Variants in SPTY2D1 observed in about 807,000 individuals in gnomAD.
SPTY2D1 encodes the protein SPT2 chromatin protein domain containing 1, also known as protein SPT2 homolog.
In SPTY2D1, 21 loss-of-function variants were observed where a neutral mutation model predicts 64.0. The ratio of observed to expected loss-of-function variants is 0.33; its 90% CI spans 0.23 to 0.47. SPTY2D1 has a LOEUF of 0.47. Among genes scored for constraint, SPTY2D1 ranks in the 20% least tolerant of loss-of-function variants. The probability of loss-of-function intolerance (pLI) is 1.00; values close to 1 mark genes in which losing one functional copy is unlikely to be tolerated. For synonymous variants in SPTY2D1, 287 were observed against 286.8 expected, an observed-to-expected ratio of 1.00 and a Z score of -0.01; for missense variants, 724 against 837.2, an observed-to-expected ratio of 0.86 and a Z score of 1.67.
At chr11:18,618,671 T>C (rs549286632) in intron 1 of SPTY2D1, among the ~76,000 whole-genome samples, 11 of 152,286 alleles carry the variant, frequency 7.2e-5, no homozygotes, top group Admixed American at 3.9e-4. Flanking sequence ...CAAGAACAAA[T>C]TGAGACAACT....
At chr11:18,622,952 C>A (rs1854438732) in intron 1 of SPTY2D1, among the ~76,000 whole-genome samples, 1 of 125,496 alleles carries the variant, frequency 8.0e-6, no homozygotes, top group Non-Finnish European at 1.7e-5. Flanking sequence ...AACTCTGTCT[C>A]AAAACAACAA....
rs1854141676 is a variant in SPTY2D1 at position 18,608,375 on chromosome 11, T to C, written c.*1486A>G. ...ACCCAAACTTGAAGAATAAAGACTT[T>C]ATGGATAAAAAGGAATAAACCAAAA... On this transcript the variant is annotated 3_prime_UTR_variant, in exon 6 of 6. Transcript: ENST00000336349. 6.6e-6 allele frequency: 1 copy of C among 152,590 alleles called. No homozygotes were observed. Among genetic ancestry groups the C allele is most frequent in the African/African-American group, 2.4e-5 (1 of 41,462 alleles). 9.5% of individuals were successfully genotyped at this position (152,590 alleles called of 1,614,324 possible).
intron 3 of SPTY2D1, among the ~76,000 whole-genome samples, chr11:18,614,006 GTCACGTACATTCACCCTGAATGT>G (rs1045978398): frequency 6.6e-6 from 1 of 152,186 alleles, no homozygotes; most frequent in Non-Finnish European, 1.5e-5. Context: ...ACATATGTAA[GTCACGTACATTCACCCTGAATGT>G]TCACAAATCA....
intron 1 of SPTY2D1, 86 bp from the exon 2 acceptor site, chr11:18,617,075 G>T: frequency 9.4e-7 from 1 of 1,059,626 alleles, no homozygotes; most frequent in South Asian, 1.4e-5. Flanking sequence ...GGTAATAAGA[G>T]GTATAAATGT....
chr11:18,622,423 C>T (rs1854426619), intron 1 of SPTY2D1, among the ~76,000 whole-genome samples: 1 of 151,650 alleles, frequency 6.6e-6, no homozygotes, highest in Non-Finnish European at 1.5e-5. Flanking sequence ...CCCAGCTACA[C>T]AGCTGATGTG....
intron 1 of SPTY2D1, among the ~76,000 whole-genome samples, chr11:18,622,146 A>G (rs1247598482): frequency 1.3e-5 from 2 of 151,298 alleles, no homozygotes; most frequent in Admixed American, 6.6e-5. Flanking sequence ...ACAAATACCA[A>G]TAAGATATTA....
chr11:18,626,849 A>G (rs1270187768), intron 1 of SPTY2D1, among the ~76,000 whole-genome samples: 2 of 152,190 alleles, frequency 1.3e-5, no homozygotes, highest in Non-Finnish European at 2.9e-5. Flanking sequence ...AAAGGTGAAC[A>G]GTAGTTTCTA....
chr11:18,615,541 C>A lies in SPTY2D1; in HGVS notation c.733G>T (p.Gly245Cys), dbSNP rs766160851. ...KESVGTKLSK[G>C]SGDRHPSSKG... ...GAAGAAGGATGCCTGTCTCCAGAACCTTTGCTAAGTTTTGTGCCCACACTT... is the reference window on the plus strand; with the variant it reads ...GAAGAAGGATGCCTGTCTCCAGAACATTTGCTAAGTTTTGTGCCCACACTT... The change falls in exon 3 of 6, where the codon GGT (glycine) becomes TGT (cysteine). Residue 245 changes from glycine to cysteine, a missense_variant. Transcript: ENST00000336349. 2 of 1,614,212 alleles carry A rather than the reference C, an allele frequency of 1.2e-6. No individual in the cohort carries two copies. The highest frequency in any genetic ancestry group is 1.7e-6 in the Non-Finnish European group (2 of 1,180,040).
intron 1 of SPTY2D1, among the ~76,000 whole-genome samples, chr11:18,625,208 A>C (rs1854476356): frequency 6.6e-6 from 1 of 152,246 alleles, no homozygotes; most frequent in Non-Finnish European, 1.5e-5. Context: ...AGAACATCAG[A>C]GTCAGAGAAA....
rs1429182445 is a variant in SPTY2D1, at chr11:18,608,116, G to A, written c.*1745C>T. 1 of 152,552 alleles carries A rather than the reference G, an allele frequency of 6.6e-6. No individual in the cohort carries two copies. Among genetic ancestry groups the A allele is most frequent in the Non-Finnish European group, 1.5e-5 (1 of 68,016 alleles). 9.4% of individuals were successfully genotyped at this position (152,552 alleles called of 1,614,324 possible). On this transcript the variant is annotated 3_prime_UTR_variant, in exon 6 of 6. Coordinates refer to ENST00000336349, the MANE Select transcript of SPTY2D1 (RefSeq NM_194285.3). ...TCACACTACCCTTAATTTCACTGAA[G>A]GTATCTGAAATGGGTGAGATGAAAT...
intron 2 of SPTY2D1, 137 bp downstream of exon 2, chr11:18,616,737 AC>A: frequency 6.5e-6 from 3 of 462,988 alleles, no homozygotes; most frequent in Non-Finnish European, 1.1e-5. Context: ...ACCTGGACAC[AC>A]ACACACACAC....
chr11:18,614,231 T>C (rs1454400264), intron 3 of SPTY2D1, among the ~76,000 whole-genome samples: 6 of 152,150 alleles, frequency 3.9e-5, no homozygotes, highest in African/African-American at 2.4e-5. Context: ...GAAACTAGTA[T>C]AGGCAACATA....
chr11:18,630,090 A>C (rs530424121), intron 1 of SPTY2D1, among the ~76,000 whole-genome samples: 11 of 152,106 alleles, frequency 7.2e-5, no homozygotes, highest in African/African-American at 2.7e-4. Context: ...AATGGCTTGA[A>C]CCCAGGAGGC....
intron 1 of SPTY2D1, among the ~76,000 whole-genome samples, chr11:18,625,772 C>G (rs1590405256): frequency 6.7e-6 from 1 of 149,424 alleles, no homozygotes; most frequent in Non-Finnish European, 1.5e-5. Flanking sequence ...GGGGGTCTCA[C>G]TTTGTTGCCC....
In SPTY2D1 at chr11:18,614,706, G is replaced by A; in HGVS notation, c.1568C>T (p.Thr523Ile). 1 of 1,614,248 alleles carries A rather than the reference G, an allele frequency of 6.2e-7. No homozygotes were observed. Among genetic ancestry groups the A allele is most frequent in the Non-Finnish European group, 8.5e-7 (1 of 1,180,034 alleles). Residue 523 changes from threonine to isoleucine, a missense_variant, in exon 3 of 6, where the codon ACA becomes ATA. Thr to Ile is a moderately conservative substitution (Grantham distance 89, BLOSUM62 -1). Transcript: ENST00000336349. ...RPVSSLGPGQTVSSSGPTIKP... is the reference protein window; with the variant it reads ...RPVSSLGPGQIVSSSGPTIKP... ...TATAGTGGGACCTGAGCTACTAACTGTTTGCCCAGGTCCCAAGCTGCTCAC... is the reference window on the plus strand; with the variant it reads ...TATAGTGGGACCTGAGCTACTAACTATTTGCCCAGGTCCCAAGCTGCTCAC...
At chr11:18,631,367 A>T (rs912269329) in intron 1 of SPTY2D1, among the ~76,000 whole-genome samples, 1 of 151,978 alleles carries the variant, frequency 6.6e-6, no homozygotes, top group African/African-American at 2.4e-5. Context: ...TGAGGCCAGG[A>T]GTTTGATACC....
intron 1 of SPTY2D1, among the ~76,000 whole-genome samples, chr11:18,631,489 G>A (rs796908224): frequency 2.6e-5 from 4 of 151,632 alleles, no homozygotes; most frequent in South Asian, 4.2e-4. Flanking sequence ...CCTGCGAGGC[G>A]GAGCTTGCAG....
At chr11:18,621,362 AAAGAAAAGAAAAG>A (rs1854396943) in intron 1 of SPTY2D1, among the ~76,000 whole-genome samples, 1 of 151,148 alleles carries the variant, frequency 6.6e-6, no homozygotes, top group East Asian at 1.9e-4. Context: ...AAAGAAAAGA[AAAGAAAAGAAAAG>A]AAACACTGAC....
Position 18,609,877 on chromosome 11 carries a change from T to C in SPTY2D1, c.2042A>G (p.Lys681Arg). 2 of 1,614,210 alleles carry C rather than the reference T, an allele frequency of 1.2e-6. No homozygotes were observed. Among genetic ancestry groups the C allele is most frequent in the Admixed American group, 3.3e-5 (2 of 60,018 alleles). Residue 681 changes from lysine to arginine, a missense_variant, in exon 6 of 6, where the codon AAG becomes AGG. Coordinates refer to ENST00000336349, the MANE Select transcript of SPTY2D1 (RefSeq NM_194285.3). Reference protein sequence around the residue: ...EEEMQRRRAKKLKRR With the variant: ...EEEMQRRRAKRLKRR ...AAGCAGCAGCTAACGCCTCTTCAGC[T>C]TCTTGGCCCTTCGACGTTGCATTTC... is the stretch of plus-strand genomic sequence containing the variant.
Sources: allele counts gnomAD v4.1 joint callset (sites outside exome capture counted in the v4.1 genomes callset), GRCh38; gene constraint gnomAD v4.1.1; transcripts MANE v1.5; gene names NCBI Gene and HGNC (gene_info 2026-07-23, HGNC 2026-07-21).